The following KMT2E variants were observed in gnomAD, a reference collection of about 807,000 sequenced individuals.
KMT2E encodes lysine methyltransferase 2E (inactive).
KMT2E carries 30 observed loss-of-function variants against 184.6 expected under a neutral mutation model. That is an observed-to-expected ratio of 0.16 (90% CI 0.12 to 0.22). The LOEUF (loss-of-function observed/expected upper bound fraction) is 0.22, where lower values mean the gene tolerates loss of function less well. KMT2E is among the 10% of genes least tolerant of loss of function. The pLI, the probability that KMT2E is intolerant of heterozygous loss-of-function variation, is 1.00. For synonymous variants in KMT2E, 815 were observed against 776.5 expected (o/e 1.05, Z -0.82); for missense variants, 2,023 against 2,237.4 (o/e 0.90, Z 1.93).
In KMT2E at chr7:105,091,267, G is replaced by A. The variant is rs1562921549; in HGVS notation, c.1675G>A (p.Val559Ile). 4 of 1,607,146 alleles carry A rather than the reference G, an allele frequency of 2.5e-6. No individual in the cohort carries two copies. The highest frequency in any genetic ancestry group is 3.4e-6 in the Non-Finnish European group (4 of 1,173,984). The change falls in exon 15 of 27, where the codon GTA (valine) becomes ATA (isoleucine). Residue 559 changes from valine (V) to isoleucine (I), a missense_variant. Val to Ile is a conservative substitution (Grantham distance 29, BLOSUM62 3). This residue lies in a region of KMT2E where 514 missense variants were observed against 621.8 expected (regional missense o/e 0.83). Transcript: ENST00000311117. ...AGAAAAAACTCCTATTAGTAATGAA[G>A]TAGAAATGGAATCAGAGGAGCAGAT... ...IEEKTPISNE[V>I]EMESEEQIAE...
intron 3 of KMT2E, among the ~76,000 whole-genome samples, chr7:105,054,562 G>A (rs910022905): frequency 1.3e-5 from 2 of 151,996 alleles, no homozygotes; most frequent in African/African-American, 4.8e-5. Context: ...TGTTGCCCAG[G>A]CTGGAGTGCA....
intron 1 of KMT2E, among the ~76,000 whole-genome samples, chr7:105,026,274 G>T (rs1795175168): frequency 6.6e-6 from 1 of 152,156 alleles, no homozygotes; most frequent in Admixed American, 6.5e-5. Flanking sequence ...TTCAGGATCT[G>T]ACTCTGGTTT....
In KMT2E at chr7:105,062,408, G is replaced by A. The variant is rs571708031; in HGVS notation, c.186+130G>A. 20 of 542,498 alleles carry A rather than the reference G, an allele frequency of 3.7e-5. No individual in the cohort carries two copies. In the Middle Eastern group the frequency reaches 3.1e-3, roughly 83 times the overall value. 33.6% of individuals were successfully genotyped at this position (542,498 alleles called of 1,614,324 possible). A position where few individuals can be genotyped will look rare whatever the true frequency, so the allele number is the denominator to read the frequency against. ...TTTCATACTATCAAAATAATTAGGCGTTTAATTTTTCATTAACCATTAAGC... is the reference window on the plus strand; with the variant it reads ...TTTCATACTATCAAAATAATTAGGCATTTAATTTTTCATTAACCATTAAGC... On this transcript the variant is annotated intron_variant, in intron 4 of 26. Transcript: ENST00000311117.
chr7:105,103,405 C>A (rs531254276), intron 17 of KMT2E: 1 of 152,326 alleles, frequency 6.6e-6, no homozygotes, highest in African/African-American at 2.4e-5. Flanking sequence ...TTTAATAATA[C>A]ATGTCACTTT....
intron 3 of KMT2E, among the ~76,000 whole-genome samples, chr7:105,058,869 CTTTTTTGGATTCAGTGA>C (rs1159284009): frequency 1.3e-5 from 2 of 152,036 alleles, no homozygotes; most frequent in Non-Finnish European, 2.9e-5. Context: ...AAGAGAAAAT[CTTTTTTGGATTCAGTGA>C]TTTTAGAACA....
chr7:105,107,976 C>G, intron 22 of KMT2E, 51 bp downstream of exon 22: 1 of 847,796 alleles, frequency 1.2e-6, no homozygotes, highest in Non-Finnish European at 1.7e-6. Context: ...TTTTTTTTTT[C>G]ATAATACTAC....
At chr7:105,064,773 TAA>T (rs1796964127) in intron 5 of KMT2E, among the ~76,000 whole-genome samples, 1 of 92,788 alleles carries the variant, frequency 1.1e-5, no homozygotes, top group Non-Finnish European at 1.9e-5. Context: ...ATTAAAAAAC[TAA>T]AAATACAGTG....
chr7:105,064,588 T>C (rs1218358051), intron 5 of KMT2E, among the ~76,000 whole-genome samples: 1 of 152,190 alleles, frequency 6.6e-6, no homozygotes, highest in Non-Finnish European at 1.5e-5. Context: ...GAAATTCAAA[T>C]ATTAAGTGGA....
At chr7:105,084,401 G>C (rs144945445) in intron 13 of KMT2E, among the ~76,000 whole-genome samples, 1 of 152,064 alleles carries the variant, frequency 6.6e-6, no homozygotes, top group South Asian at 2.1e-4. Flanking sequence ...CAAGGCGGGC[G>C]GATTACTTGA....
intron 17 of KMT2E, 23 bp from the exon 18 acceptor site, chr7:105,105,416 T>C: frequency 6.5e-7 from 1 of 1,538,632 alleles, no homozygotes. Context: ...TATATAATGA[T>C]CCAATTTTTT....
At chr7:105,079,297 G>C (rs1315853707) in intron 12 of KMT2E, among the ~76,000 whole-genome samples, 1 of 151,580 alleles carries the variant, frequency 6.6e-6, no homozygotes, top group Non-Finnish European at 1.5e-5. Flanking sequence ...ACCATGCCCG[G>C]CTATTTTTTT....
At chr7:105,020,663 A>G (rs1167555124) in intron 1 of KMT2E, among the ~76,000 whole-genome samples, 1 of 152,220 alleles carries the variant, frequency 6.6e-6, no homozygotes, top group Non-Finnish European at 1.5e-5. Context: ...TTTTTCATTT[A>G]TGTTGACTTT....
chr7:105,112,826 C>T lies in KMT2E; in HGVS notation c.5070C>T (p.His1690=). 6.6e-7 allele frequency: 1 copy of T among 1,526,702 alleles called. No homozygotes were observed. The highest frequency in any genetic ancestry group is 9.0e-7 in the Non-Finnish European group (1 of 1,116,914). The allele number at this position is 1,526,702 out of a possible 1,614,324, so 94.6% of individuals were successfully genotyped here. A position where few individuals can be genotyped will look rare whatever the true frequency, so the allele number is the denominator to read the frequency against. Residue 1690 remains histidine, a synonymous_variant, in exon 27 of 27, where the codon CAC becomes CAT. Transcript: ENST00000311117. The part of the protein sequence containing the change: ...PPPPPGPAPH[H]HPPPHPSTGL... ...CCCCTCCTGGTCCTGCCCCTCATCA[C>T]CATCCACCACCCCATCCATCCACAG... is the stretch of plus-strand genomic sequence containing the variant.
At chr7:105,022,660 G>A (rs1184226392) in intron 1 of KMT2E, among the ~76,000 whole-genome samples, 1 of 152,114 alleles carries the variant, frequency 6.6e-6, no homozygotes, top group Non-Finnish European at 1.5e-5. Flanking sequence ...TGTAGCGTCT[G>A]TTGATGATTC....
chr7:105,018,488 G>A (rs534549551), intron 1 of KMT2E, among the ~76,000 whole-genome samples: 2 of 152,312 alleles, frequency 1.3e-5, no homozygotes, highest in Admixed American at 1.3e-4. Flanking sequence ...TCTCAAATAT[G>A]TAGGGTGATC....
chr7:105,107,037 G>A, intron 20 of KMT2E, 129 bp from the exon 21 acceptor site: 4 of 650,074 alleles, frequency 6.2e-6, no homozygotes, highest in Non-Finnish European at 1.0e-5. Flanking sequence ...TTGGGGAATG[G>A]AAATAAACAG....
rs1554391132 is a variant in KMT2E at position 105,067,066 on chromosome 7, T to TTA, written c.497+259_497+260insTA. Among the ~76,000 whole-genome samples the TTA allele has an allele frequency of 8.6e-3, 997 of 115,484 alleles. 17 individuals are homozygous for TTA. The highest frequency in any genetic ancestry group is 0.03 in the African/African-American group (907 of 29,748). The allele number at this position is 115,484 out of a possible 152,430, so 75.8% of individuals were successfully genotyped here. A position where few individuals can be genotyped will look rare whatever the true frequency, so the allele number is the denominator to read the frequency against. On this transcript the variant is annotated intron_variant, in intron 6 of 26. Transcript: ENST00000311117. Reference sequence around the variant, plus strand: ...AGCAAAACCCAGTCTCTTTTTTTTTTAAAAAAAAAAAAAAAAAAGAAAAAG... The same window carrying TTA: ...AGCAAAACCCAGTCTCTTTTTTTTTTTAAAAAAAAAAAAAAAAAAAGAAAAAG...
intron 12 of KMT2E, 124 bp from the exon 13 acceptor site, chr7:105,081,564 A>G: frequency 1.5e-6 from 1 of 645,268 alleles, no homozygotes. Context: ...CCTTGTCATT[A>G]ATGACATATT....
In KMT2E at chr7:105,077,307, A is replaced by T; in HGVS notation, c.1004A>T (p.His335Leu). 1 of 1,609,280 alleles carries T rather than the reference A, an allele frequency of 6.2e-7. No homozygotes were observed. Among genetic ancestry groups the T allele is most frequent in the Non-Finnish European group, 8.5e-7 (1 of 1,176,954 alleles). ...CAACATTTACTCTGATTTTAGAGCC[A>T]TATACAAAAGAATAAGAAAATTCTT... ...NLLFKPPVESHIQKNKKILKS... is the reference protein window; with the variant it reads ...NLLFKPPVESLIQKNKKILKS... The change falls in exon 11 of 27, where the codon CAT becomes CTT. Residue 335 changes from histidine to leucine, a missense_variant. This residue lies in a region of KMT2E where 191 missense variants were observed against 209.0 expected (regional missense o/e 0.91). Transcript: ENST00000311117.
Sources: allele counts gnomAD v4.1 joint callset (sites outside exome capture counted in the v4.1 genomes callset), GRCh38; gene constraint gnomAD v4.1.1; regional missense constraint gnomAD v4.1.1; transcripts MANE v1.5; gene names NCBI Gene and HGNC (gene_info 2026-07-23, HGNC 2026-07-21).